HTR4: variants seen among roughly 807,000 people sequenced by gnomAD.
HTR4 encodes 5-hydroxytryptamine receptor 4.
HTR4 carries 16 observed loss-of-function variants against 36.8 expected under a neutral mutation model. The observed-to-expected ratio is 0.43, with a 90% CI of 0.29 to 0.66. The LOEUF is 0.66. Among genes scored for constraint, HTR4 ranks in the 30% least tolerant of loss-of-function variants. The probability of loss-of-function intolerance (pLI) is 0.13; values close to 1 mark genes in which losing one functional copy is unlikely to be tolerated. For synonymous variants in HTR4, 189 were observed against 185.1 expected (o/e 1.02, Z -0.17); for missense variants, 438 against 490.9 (o/e 0.89, Z 1.02).
chr5:148,620,370 A>G (rs898056836), intron 2 of HTR4, among the ~76,000 whole-genome samples: 4 of 152,202 alleles, frequency 2.6e-5, no homozygotes, highest in Admixed American at 2.6e-4. Context: ...TGGGGATGGC[A>G]GTAGGAAGGG....
At chr5:148,630,251 A>G (rs1753274968) in intron 2 of HTR4, 1 of 152,152 alleles carries the variant, frequency 6.6e-6, no homozygotes, top group Admixed American at 6.6e-5. Flanking sequence ...AGTCAGGGGT[A>G]TTTTCTTGTA....
At chr5:148,460,457 G>A (rs1472353996) in intron 5 of HTR4, among the ~76,000 whole-genome samples, 1 of 152,004 alleles carries the variant, frequency 6.6e-6, no homozygotes, top group African/African-American at 2.4e-5. Flanking sequence ...CTCAGAAACC[G>A]TGCAAGAAAG....
intron 5 of HTR4, among the ~76,000 whole-genome samples, chr5:148,467,102 C>T (rs139122016): frequency 6.6e-6 from 1 of 152,140 alleles, no homozygotes; most frequent in African/African-American, 2.4e-5. Context: ...CAATAAGGAT[C>T]CATTCACTCA....
chr5:148,508,606 T>G (rs1429298434), intron 6 of HTR4, among the ~76,000 whole-genome samples: 3 of 152,226 alleles, frequency 2.0e-5, no homozygotes, highest in Non-Finnish European at 2.9e-5. Context: ...TACTGTTCTG[T>G]GTTCTGTAAA....
At chr5:148,484,505 A>G (rs1284535939) in intron 6 of HTR4, 2 of 843,460 alleles carry the variant, frequency 2.4e-6, no homozygotes, top group African/African-American at 1.7e-5. Flanking sequence ...GGCAATATTT[A>G]CTATCTCCAG....
intron 2 of HTR4, among the ~76,000 whole-genome samples, chr5:148,561,826 C>T (rs1306296634): frequency 2.0e-5 from 3 of 152,146 alleles, no homozygotes; most frequent in African/African-American, 7.2e-5. Context: ...ATCATTTACC[C>T]TAAGCATAAG....
At chr5:148,558,085 AT>A (rs940567385) in intron 2 of HTR4, among the ~76,000 whole-genome samples, 4 of 151,840 alleles carry the variant, frequency 2.6e-5, no homozygotes, top group South Asian at 4.2e-4. Flanking sequence ...CTATCTAAGT[AT>A]TTTTTTCACC....
chr5:148,496,855 C>T (rs1756707317), intron 6 of HTR4, among the ~76,000 whole-genome samples: 1 of 152,218 alleles, frequency 6.6e-6, no homozygotes, highest in Non-Finnish European at 1.5e-5. Flanking sequence ...TAGTGTATCC[C>T]TTGCTTCAGT....
downstream of HTR4, among the ~76,000 whole-genome samples, chr5:148,478,702 C>A (rs893775580): frequency 6.6e-6 from 1 of 151,982 alleles, no homozygotes; most frequent in Non-Finnish European, 1.5e-5. Flanking sequence ...ATTCCCCGTC[C>A]TGCTTGAATC....
intron 6 of HTR4, among the ~76,000 whole-genome samples, chr5:148,484,023 G>A (rs565009945): frequency 6.6e-6 from 1 of 151,598 alleles, no homozygotes; most frequent in East Asian, 1.9e-4. Context: ...GTTAAACTTT[G>A]TTATATCGGT....
chr5:148,610,574 G>T (rs1408621648), intron 2 of HTR4, among the ~76,000 whole-genome samples: 1 of 151,770 alleles, frequency 6.6e-6, no homozygotes. Flanking sequence ...ACAAAGATGG[G>T]GAAAAAACAG....
At chr5:148,542,615 T>C (rs977257394) in intron 4 of HTR4, among the ~76,000 whole-genome samples, 3 of 152,200 alleles carry the variant, frequency 2.0e-5, no homozygotes, top group African/African-American at 7.2e-5. Context: ...TAGAGAATAC[T>C]ATCTTCAAGG....
At chr5:148,575,423 G>A (rs2113888561) in intron 2 of HTR4, among the ~76,000 whole-genome samples, 1 of 152,060 alleles carries the variant, frequency 6.6e-6, no homozygotes, top group South Asian at 2.1e-4. Context: ...TAACAAAATT[G>A]GATTAGGAAT....
chr5:148,457,560 C>A (rs1005625205), intron 5 of HTR4, among the ~76,000 whole-genome samples: 1 of 151,264 alleles, frequency 6.6e-6, no homozygotes, highest in African/African-American at 2.4e-5. Flanking sequence ...CCTTCTCCTG[C>A]AAGGCAGTGT....
At chr5:148,497,543 A>T (rs944685989) in intron 6 of HTR4, among the ~76,000 whole-genome samples, 5 of 152,210 alleles carry the variant, frequency 3.3e-5, no homozygotes, top group African/African-American at 9.6e-5. Flanking sequence ...TCATTGTCTT[A>T]TTCCTCACTT....
chr5:148,581,768 T>A (rs1251014714), intron 2 of HTR4, among the ~76,000 whole-genome samples: 1 of 152,120 alleles, frequency 6.6e-6, no homozygotes, highest in Admixed American at 6.6e-5. Flanking sequence ...AATCAGAAAT[T>A]TTGGTAGCTC....
chr5:148,454,497 T>C (rs1301030946), intron 5 of HTR4, among the ~76,000 whole-genome samples: 1 of 152,226 alleles, frequency 6.6e-6, no homozygotes, highest in African/African-American at 2.4e-5. Context: ...ATGATAATGA[T>C]GATGATGATG....
intron 2 of HTR4, among the ~76,000 whole-genome samples, chr5:148,604,147 G>A (rs1279050660): frequency 1.3e-5 from 2 of 152,000 alleles, no homozygotes; most frequent in African/African-American, 4.8e-5. Flanking sequence ...GATGCAAAAA[G>A]GCACTAACCA....
chr5:148,548,882 A>C lies in HTR4; in HGVS notation c.153-14T>G, dbSNP rs202053450. 1.3e-6 allele frequency: 2 copies of C among 1,596,400 alleles called. No homozygotes were observed. Among genetic ancestry groups the C allele is most frequent in the East Asian group, 2.3e-5 (1 of 44,296 alleles). Reference sequence around the variant, plus strand: ...GTTTTTATTTTCCTGTGAGTGAAAAAGTGTAAGAGAGGAGGCAGGGGGAGG... The same window carrying C: ...GTTTTTATTTTCCTGTGAGTGAAAACGTGTAAGAGAGGAGGCAGGGGGAGG... On this transcript the variant is annotated splice_polypyrimidine_tract_variant and intron_variant, in intron 3 of 6. Coordinates refer to ENST00000377888, the MANE Select transcript of HTR4 (RefSeq NM_000870.7).
Sources: gnomAD v4.1 joint callset for allele counts (sites outside exome capture counted in the v4.1 genomes callset) on GRCh38, gnomAD v4.1.1 for gene constraint, MANE v1.5 for transcripts, NCBI Gene and HGNC (gene_info 2026-07-23, HGNC 2026-07-21) for gene names.